Variants in HCRTR2 observed in about 807,000 individuals in gnomAD.
HCRTR2 encodes the protein orexin receptor type 2.
In HCRTR2, 22 loss-of-function variants were observed where a neutral mutation model predicts 49.0. The observed-to-expected ratio is 0.45, with a 90% CI of 0.32 to 0.64. HCRTR2 has a LOEUF of 0.64. Ranked by LOEUF, HCRTR2 falls within the 30% of genes least tolerant of loss-of-function variation. HCRTR2 has a pLI of 0.04. For missense variants in HCRTR2, 491 were observed against 559.4 expected (o/e 0.88, Z 1.23); for synonymous variants, 236 against 205.3 (o/e 1.15, Z -1.28).
chr6:55,194,997 T>C (rs1261708711), intron 1 of HCRTR2, among the ~76,000 whole-genome samples: 1 of 152,068 alleles, frequency 6.6e-6, no homozygotes, highest in East Asian at 1.9e-4. Context: ...ATAATACAGA[T>C]AGAGACACAT....
intron 1 of HCRTR2, among the ~76,000 whole-genome samples, chr6:55,240,371 A>AG (rs1430673207): frequency 3.3e-5 from 5 of 151,380 alleles, no homozygotes; most frequent in South Asian, 2.1e-4. Flanking sequence ...AAAAAAAAAA[A>AG]AAAAAAAAAA....
chr6:55,245,020 A>G (rs1460581305), intron 1 of HCRTR2, among the ~76,000 whole-genome samples: 1 of 151,824 alleles, frequency 6.6e-6, no homozygotes, highest in Non-Finnish European at 1.5e-5. Flanking sequence ...ATTGATCTAT[A>G]TGTCTATTTT....
intron 1 of HCRTR2, among the ~76,000 whole-genome samples, chr6:55,137,695 T>C (rs1198273840): frequency 6.6e-6 from 1 of 152,150 alleles, no homozygotes; most frequent in Admixed American, 6.6e-5. Context: ...TTGCTCTGGT[T>C]CTTGATTATG....
chr6:55,224,743 T>A (rs1252577417), intron 1 of HCRTR2, among the ~76,000 whole-genome samples: 1 of 152,132 alleles, frequency 6.6e-6, no homozygotes, highest in Non-Finnish European at 1.5e-5. Context: ...AAAAACATGT[T>A]AAGAGGAACA....
chr6:55,150,378 A>C (rs1764648851), intron 1 of HCRTR2, among the ~76,000 whole-genome samples: 1 of 150,086 alleles, frequency 6.7e-6, no homozygotes, highest in Admixed American at 6.7e-5. Flanking sequence ...CACTCTTTGC[A>C]AATATTTAAG....
At chr6:55,268,918 G>A (rs1478132930) in intron 4 of HCRTR2, among the ~76,000 whole-genome samples, 1 of 151,548 alleles carries the variant, frequency 6.6e-6, no homozygotes, top group African/African-American at 2.4e-5. Context: ...GTGAAACCTC[G>A]TCTCTACTAA....
At chr6:55,108,217 C>A (rs893392110) in intron 1 of HCRTR2, among the ~76,000 whole-genome samples, 5 of 151,972 alleles carry the variant, frequency 3.3e-5, no homozygotes, top group African/African-American at 4.8e-5. Flanking sequence ...AAACTTTATA[C>A]CCTTCAGATC....
At chr6:55,153,697 G>T (rs1378729300) in intron 1 of HCRTR2, among the ~76,000 whole-genome samples, 1 of 151,920 alleles carries the variant, frequency 6.6e-6, no homozygotes. Flanking sequence ...GGTCATTTGA[G>T]ATCCATACTG....
At chr6:55,234,673 A>G (rs1766181015) in intron 1 of HCRTR2, among the ~76,000 whole-genome samples, 1 of 152,072 alleles carries the variant, frequency 6.6e-6, no homozygotes, top group African/African-American at 2.4e-5. Flanking sequence ...AAAAGTGGGG[A>G]AAAAAACTCA....
intron 1 of HCRTR2, among the ~76,000 whole-genome samples, chr6:55,230,888 G>A (rs556599143): frequency 1.3e-5 from 2 of 151,492 alleles, no homozygotes; most frequent in East Asian, 3.9e-4. Context: ...ATAAGACCAA[G>A]GTTCATTCAC....
intron 1 of HCRTR2, among the ~76,000 whole-genome samples, chr6:55,120,135 T>A (rs1764175818): frequency 6.6e-6 from 1 of 152,200 alleles, no homozygotes; most frequent in African/African-American, 2.4e-5. Context: ...TCTATATATC[T>A]GTTTTGGTAC....
intron 1 of HCRTR2, among the ~76,000 whole-genome samples, chr6:55,186,602 A>G (rs1308233806): frequency 1.3e-5 from 2 of 152,244 alleles, no homozygotes; most frequent in African/African-American, 2.4e-5. Context: ...TTTAAATGAT[A>G]CGCTATATTT....
intron 1 of HCRTR2, among the ~76,000 whole-genome samples, chr6:55,189,853 A>C (rs990748041): frequency 6.6e-6 from 1 of 152,196 alleles, no homozygotes; most frequent in African/African-American, 2.4e-5. Context: ...TTTTTTTCTT[A>C]AAATGGGAAA....
chr6:55,216,267 C>T (rs1041581327), intron 1 of HCRTR2, among the ~76,000 whole-genome samples: 7 of 152,102 alleles, frequency 4.6e-5, no homozygotes, highest in Non-Finnish European at 8.8e-5. Context: ...ACACCATAGC[C>T]TTTCACCCAT....
upstream of HCRTR2, among the ~76,000 whole-genome samples, chr6:55,170,131 G>A (rs1764927940): frequency 6.6e-6 from 1 of 151,144 alleles, no homozygotes; most frequent in African/African-American, 2.4e-5. Context: ...TAAAATAAAT[G>A]ACAAGAAAAA....
chr6:55,189,952 A>G (rs556412526), intron 1 of HCRTR2, among the ~76,000 whole-genome samples: 109 of 152,206 alleles, frequency 7.2e-4, no homozygotes, highest in Non-Finnish European at 2.2e-4. Flanking sequence ...AGGAGTACCC[A>G]CGTGCAGTTG....
intron 1 of HCRTR2, among the ~76,000 whole-genome samples, chr6:55,113,398 T>A (rs114620926): frequency 6.6e-6 from 1 of 151,900 alleles, no homozygotes; most frequent in Non-Finnish European, 1.5e-5. Context: ...ATGAGGAATA[T>A]CCAGAATCTA....
At chr6:55,169,543 C>A (rs916426469), upstream of HCRTR2, among the ~76,000 whole-genome samples, 6 of 150,194 alleles carry the variant, frequency 4.0e-5, no homozygotes, top group Non-Finnish European at 8.9e-5. Context: ...ATGTCTAGAC[C>A]CCCTGTGATT....
intron 1 of HCRTR2, among the ~76,000 whole-genome samples, chr6:55,220,264 G>T: frequency 6.6e-6 from 1 of 152,218 alleles, no homozygotes; most frequent in East Asian, 1.9e-4. Flanking sequence ...TTTCAAACAA[G>T]CTACAGGCCA....
Sources: allele counts gnomAD v4.1 joint callset (sites outside exome capture counted in the v4.1 genomes callset), GRCh38; gene constraint gnomAD v4.1.1; transcripts MANE v1.5; gene names NCBI Gene and HGNC (gene_info 2026-07-23, HGNC 2026-07-21).